TERB1: variants seen among roughly 807,000 people sequenced by gnomAD.
TERB1 encodes the protein telomere repeat binding bouquet formation protein 1.
A neutral mutation model predicts 92.3 loss-of-function variants in TERB1; 63 were observed. The observed-to-expected ratio is 0.68, with a 90% CI of 0.56 to 0.84. The LOEUF (loss-of-function observed/expected upper bound fraction) is 0.84, where lower values mean the gene tolerates loss of function less well. Among genes scored for constraint, TERB1 ranks in the 40% least tolerant of loss-of-function variants. TERB1 has a pLI of 0.00. For synonymous variants in TERB1, 252 were observed against 283.9 expected, an observed-to-expected ratio of 0.89 and a Z score of 1.13; for missense variants, 709 against 843.7, an observed-to-expected ratio of 0.84 and a Z score of 1.98.
In TERB1 at chr16:66,790,631, C is replaced by T. The variant is rs1465948426; in HGVS notation, c.235G>A (p.Ala79Thr). The change falls in exon 5 of 19, where the codon GCC (alanine) becomes ACC (threonine). Residue 79 changes from alanine (A) to threonine (T), a missense_variant. Physicochemically the swap from Ala to Thr is moderately conservative, Grantham distance 58. Coordinates refer to ENST00000433154, the MANE Select transcript of TERB1 (RefSeq NM_001136505.2). ...SSEHSMVKEA[A>T]LYTLGAIAEK... is the part of the protein sequence containing the mutation. The stretch of plus-strand genomic sequence containing the variant: ...GCAATAGCTCCTAATGTATATAAGG[C>T]TGCTTCTTTTACCATGCTATGTTCA... 1.3e-6 allele frequency: 2 copies of T among 1,549,738 alleles called. No individual in the cohort carries two copies. The highest frequency in any genetic ancestry group is 1.7e-6 in the Non-Finnish European group (2 of 1,145,652).
intron 12 of TERB1, among the ~76,000 whole-genome samples, chr16:66,773,117 T>A (rs563409712): frequency 6.7e-6 from 1 of 149,646 alleles, no homozygotes; most frequent in South Asian, 2.1e-4. Context: ...TCACTTGAGG[T>A]CAGGAGCTCA....
At chr16:66,793,669 G>A (rs2018876333) in intron 3 of TERB1, among the ~76,000 whole-genome samples, 1 of 152,078 alleles carries the variant, frequency 6.6e-6, no homozygotes, top group South Asian at 2.1e-4. Context: ...GCACCACCAC[G>A]CCCAGCTAAA....
Position 66,769,995 on chromosome 16 carries a change from A to G in TERB1, c.1587T>C (p.Thr529=). The change falls in exon 14 of 19, where the codon ACT becomes ACC. Residue 529 remains threonine (T), a synonymous_variant. Transcript: ENST00000433154. ...GAGAAACAAAATTCTTTTCAAAAGT[A>G]GTTTCTTCATGTAAGTTTTGATTGC... ...SSCNQNLHEE[T]TFEKNFVSQS... The G allele has an allele frequency of 6.4e-7, 1 of 1,550,486 alleles. No individual in the cohort carries two copies. Among genetic ancestry groups the G allele is most frequent in the Non-Finnish European group, 8.7e-7 (1 of 1,146,652 alleles).
chr16:66,797,634 C>G (rs1959204782), intron 2 of TERB1, among the ~76,000 whole-genome samples: 1 of 150,560 alleles, frequency 6.6e-6, no homozygotes. Flanking sequence ...CACACACACA[C>G]ACACACACAC....
intron 16 of TERB1, among the ~76,000 whole-genome samples, chr16:66,762,090 G>A (rs1392324048): frequency 1.3e-5 from 2 of 152,318 alleles, no homozygotes; most frequent in South Asian, 2.1e-4. Flanking sequence ...GTCTGGTTTT[G>A]AGCAAGAGTC....
intron 3 of TERB1, among the ~76,000 whole-genome samples, chr16:66,794,685 T>C (rs1407554457): frequency 2.0e-5 from 3 of 151,824 alleles, no homozygotes; most frequent in Admixed American, 6.6e-5. Flanking sequence ...CCGAGGTGGG[T>C]GGATCACAAG....
chr16:66,760,461 AAAAAAAAAAGAAAAG>A (rs2018219348), intron 16 of TERB1, among the ~76,000 whole-genome samples: 6 of 84,282 alleles, frequency 7.1e-5, no homozygotes, highest in African/African-American at 1.8e-4. Context: ...CATCTCAAAA[AAAAAAAAAAGAAAAG>A]AAAAGAAAAG....
chr16:66,791,186 TTTAAA>T (rs1368990124), intron 3 of TERB1, among the ~76,000 whole-genome samples, 167 bp from the exon 4 acceptor site: 2 of 152,144 alleles, frequency 1.3e-5, no homozygotes, highest in Non-Finnish European at 2.9e-5. Context: ...AAAAATGTTC[TTTAAA>T]TAAAATAACT....
At chr16:66,781,519 CTTTT>C (rs34191078) in intron 9 of TERB1, among the ~76,000 whole-genome samples, 2 of 121,170 alleles carry the variant, frequency 1.7e-5, no homozygotes, top group Non-Finnish European at 3.3e-5. Flanking sequence ...GGTACAAATT[CTTTT>C]TTTTTTTTTT....
chr16:66,795,083 T>C (rs1185755602), intron 3 of TERB1, among the ~76,000 whole-genome samples: 1 of 152,196 alleles, frequency 6.6e-6, no homozygotes, highest in Non-Finnish European at 1.5e-5. Flanking sequence ...ATAGGGGGCT[T>C]GTGTTCAGAA....
At chr16:66,793,513 C>T (rs945283730) in intron 3 of TERB1, among the ~76,000 whole-genome samples, 8 of 151,482 alleles carry the variant, frequency 5.3e-5, no homozygotes, top group Admixed American at 3.3e-4. Flanking sequence ...CCACTGCACC[C>T]GGACTGGTTT....
In TERB1 at chr16:66,772,654, C is replaced by G; in HGVS notation, c.1207G>C (p.Glu403Gln). The change falls in exon 13 of 19, where the codon GAG (glutamate) becomes CAG (glutamine). Residue 403 changes from glutamate to glutamine, a missense_variant. Transcript: ENST00000433154. ...DISVKENNLE[E>Q]HWRKAKEILH... ...ATTTCCTTTGCTTTCCTCCAGTGCT[C>G]TTCAAGATTATTCTCCTTCACACTT... is the stretch of plus-strand genomic sequence containing the variant. 1.3e-6 allele frequency: 2 copies of G among 1,551,378 alleles called. No individual in the cohort carries two copies. The highest frequency in any genetic ancestry group is 2.4e-5 in the South Asian group (2 of 84,014).
chr16:66,780,875 T>G (rs1306897561), intron 9 of TERB1, among the ~76,000 whole-genome samples: 1 of 152,232 alleles, frequency 6.6e-6, no homozygotes, highest in Admixed American at 6.5e-5. Flanking sequence ...ATGTGACATA[T>G]GAGTATTCGT....
At chr16:66,802,004 G>A (rs1259271071), upstream of TERB1, among the ~76,000 whole-genome samples, 1 of 152,210 alleles carries the variant, frequency 6.6e-6, no homozygotes, top group South Asian at 2.1e-4. Flanking sequence ...CTCACCAGGG[G>A]GCTTCCGGAG....
intron 16 of TERB1, among the ~76,000 whole-genome samples, chr16:66,760,834 T>C (rs1597007832): frequency 8.9e-6 from 1 of 112,800 alleles, no homozygotes; most frequent in Admixed American, 9.8e-5. Flanking sequence ...AGCATCTAGG[T>C]TGGGTGCAAT....
At chr16:66,755,403 TACA>T (rs2018121374) in intron 18 of TERB1, among the ~76,000 whole-genome samples, 1 of 152,214 alleles carries the variant, frequency 6.6e-6, no homozygotes, top group South Asian at 2.1e-4. Flanking sequence ...ACAGTAGTAA[TACA>T]ACATCTTTCA....
intron 18 of TERB1, among the ~76,000 whole-genome samples, chr16:66,756,335 AG>A (rs2018138631): frequency 6.6e-6 from 1 of 152,234 alleles, no homozygotes; most frequent in Non-Finnish European, 1.5e-5. Context: ...AAATCTTCCC[AG>A]CAGAAGGTTA....
intron 3 of TERB1, among the ~76,000 whole-genome samples, chr16:66,791,557 T>TA (rs1192510082): frequency 2.0e-5 from 3 of 152,054 alleles, no homozygotes; most frequent in Non-Finnish European, 4.4e-5. Context: ...ACAAAACTGA[T>TA]AAACTTCTAG....
chr16:66,756,079 G>A (rs780593014), intron 18 of TERB1, among the ~76,000 whole-genome samples: 9 of 152,168 alleles, frequency 5.9e-5, no homozygotes, highest in Non-Finnish European at 1.2e-4. Flanking sequence ...ATATTTTCTG[G>A]TGATGATTAC....
Sources: gnomAD v4.1 joint callset for allele counts (sites outside exome capture counted in the v4.1 genomes callset) on GRCh38, gnomAD v4.1.1 for gene constraint, MANE v1.5 for transcripts, NCBI Gene and HGNC (gene_info 2026-07-23, HGNC 2026-07-21) for gene names.